DGKI: variants seen among roughly 807,000 people sequenced by gnomAD.
The protein encoded by DGKI is diacylglycerol kinase iota.
In DGKI, 55 loss-of-function variants were observed where a neutral mutation model predicts 147.5. The ratio of observed to expected loss-of-function variants is 0.37; its 90% CI spans 0.30 to 0.47. The LOEUF (loss-of-function observed/expected upper bound fraction) is 0.47, where lower values mean the gene tolerates loss of function less well. Ranked by LOEUF, DGKI falls within the 20% of genes least tolerant of loss-of-function variation. The pLI is 1.00. For missense variants in DGKI, 1,007 were observed against 1,323.8 expected (o/e 0.76, Z 3.71); for synonymous variants, 469 against 477.1 (o/e 0.98, Z 0.22).
In DGKI at chr7:137,469,757, AAAG is replaced by A. The variant is rs1277288928; in HGVS notation, c.2374-141_2374-139del. 8.7e-6 allele frequency: 5 copies of A among 571,690 alleles called. No individual in the cohort carries two copies. The Admixed American group carries it at 1.1e-4, about 12-fold the overall frequency. 35.4% of individuals were successfully genotyped at this position (571,690 alleles called of 1,614,324 possible). On this transcript the variant is annotated intron_variant, in intron 23 of 32. Transcript: ENST00000614521. ...CACATTTTTTTTTCTCTAGGAACACAAAGAAGGGCTCTTTTTTGAAATTCTTTC... is the reference window on the plus strand; with the variant it reads ...CACATTTTTTTTTCTCTAGGAACACAAAGGGCTCTTTTTTGAAATTCTTTC...
chr7:137,616,277 T>C (rs912833511), intron 8 of DGKI, among the ~76,000 whole-genome samples: 1 of 152,158 alleles, frequency 6.6e-6, no homozygotes, highest in Non-Finnish European at 1.5e-5. Flanking sequence ...GCTCATAGGA[T>C]ACTATGATGA....
chr7:137,542,302 C>G (rs576535495), intron 20 of DGKI, among the ~76,000 whole-genome samples: 2 of 152,204 alleles, frequency 1.3e-5, no homozygotes, highest in African/African-American at 2.4e-5. Context: ...TTACATAAAA[C>G]CTGTTCATCA....
In DGKI at chr7:137,626,453, AC is replaced by A. The variant is rs1166288368; in HGVS notation, c.805-2900del. 3.9e-5 allele frequency among the ~76,000 whole-genome samples: 6 copies of A among 152,074 alleles called. No homozygotes were observed. The East Asian group carries it at 1.2e-3, about 29-fold the overall frequency. On this transcript the variant is annotated intron_variant, in intron 6 of 32. Transcript: ENST00000614521. ...CAGTCCCCAACACCTGAGAGTTGCA[AC>A]CGCCTAAACAGAACAGCTTACAAGA...
intron 1 of DGKI, among the ~76,000 whole-genome samples, chr7:137,731,517 CATT>C (rs1350754871): frequency 6.6e-6 from 1 of 152,086 alleles, no homozygotes; most frequent in Admixed American, 6.6e-5. Context: ...TCTTCATCAT[CATT>C]ATGTGCCTTA....
At chr7:137,720,475 G>A (rs1057108581) in intron 1 of DGKI, among the ~76,000 whole-genome samples, 15 of 151,848 alleles carry the variant, frequency 9.9e-5, no homozygotes, top group African/African-American at 3.6e-4. Flanking sequence ...AGCCAGGATG[G>A]TCTCGATCTC....
intron 1 of DGKI, among the ~76,000 whole-genome samples, chr7:137,706,860 C>A (rs1327380478): frequency 6.6e-6 from 1 of 152,190 alleles, no homozygotes; most frequent in Admixed American, 6.5e-5. Flanking sequence ...GCGTGAGCCA[C>A]CACACCCCGC....
At chr7:137,725,195 T>G (rs1297966022) in intron 1 of DGKI, among the ~76,000 whole-genome samples, 1 of 152,190 alleles carries the variant, frequency 6.6e-6, no homozygotes, top group African/African-American at 2.4e-5. Context: ...TACCTACTTC[T>G]TATGCTTCTT....
intron 23 of DGKI, among the ~76,000 whole-genome samples, chr7:137,484,735 T>C (rs1009150854): frequency 6.6e-6 from 1 of 151,978 alleles, no homozygotes; most frequent in Non-Finnish European, 1.5e-5. Context: ...AACTGAGTGT[T>C]CTCCTACAGA....
chr7:137,655,454 T>TC (rs1296155618), intron 4 of DGKI, among the ~76,000 whole-genome samples: 1 of 152,166 alleles, frequency 6.6e-6, no homozygotes, highest in African/African-American at 2.4e-5. Flanking sequence ...CATCTTGGCC[T>TC]CCCAAAGTGC....
intron 20 of DGKI, among the ~76,000 whole-genome samples, chr7:137,537,393 A>G (rs1056595452): frequency 6.6e-6 from 1 of 152,156 alleles, no homozygotes; most frequent in African/African-American, 2.4e-5. Flanking sequence ...AAAATATGAA[A>G]TGTTCTGCTT....
In DGKI at chr7:137,656,605, T is replaced by C. The variant is rs922493786; in HGVS notation, c.607-65A>G. The C allele has an allele frequency of 4.9e-6, 7 of 1,439,980 alleles. No homozygotes were observed. In the African/African-American group the frequency reaches 9.8e-5, roughly 20 times the overall value. The allele number at this position is 1,439,980 out of a possible 1,614,324, so 89.2% of individuals were successfully genotyped here. The stretch of plus-strand genomic sequence containing the variant: ...CAGTCTGTTCTGAAGAGTTCCCTAG[T>C]ATTAAAGTGGGCATATATAATAAAT... On this transcript the variant is annotated intron_variant, in intron 3 of 32. Coordinates refer to ENST00000614521, the MANE Select transcript of DGKI (RefSeq NM_001321708.2).
chr7:137,424,090 T>C (rs778770812), intron 28 of DGKI, among the ~76,000 whole-genome samples: 8 of 152,182 alleles, frequency 5.3e-5, no homozygotes, highest in Non-Finnish European at 5.9e-5. Context: ...AGTTATTACT[T>C]GGAAGAATAT....
chr7:137,487,783 T>C (rs1815620282), intron 21 of DGKI, 94 bp from the exon 22 acceptor site: 2 of 1,135,526 alleles, frequency 1.8e-6, no homozygotes, highest in South Asian at 2.6e-5. Flanking sequence ...AACAATCTCA[T>C]AAATATTATG....
chr7:137,831,038 A>C (rs1798202340), intron 1 of DGKI, among the ~76,000 whole-genome samples: 1 of 152,234 alleles, frequency 6.6e-6, no homozygotes, highest in Admixed American at 6.5e-5. Flanking sequence ...TTCCTAACAC[A>C]TATTAAGTAT....
At chr7:137,792,350 A>G (rs1022884129) in intron 1 of DGKI, among the ~76,000 whole-genome samples, 2 of 152,196 alleles carry the variant, frequency 1.3e-5, no homozygotes, top group African/African-American at 4.8e-5. Flanking sequence ...ATGTGACCCT[A>G]TAATCAACAT....
At chr7:137,635,189 C>T (rs934146476) in intron 6 of DGKI, among the ~76,000 whole-genome samples, 4 of 152,152 alleles carry the variant, frequency 2.6e-5, no homozygotes, top group African/African-American at 9.7e-5. Flanking sequence ...CTTGTAAGTG[C>T]AGTACCCTTG....
chr7:137,556,787 G>C (rs1209663886), intron 19 of DGKI, among the ~76,000 whole-genome samples: 1 of 152,056 alleles, frequency 6.6e-6, no homozygotes, highest in Non-Finnish European at 1.5e-5. Context: ...TAAAATAATA[G>C]AAATACTATT....
intron 23 of DGKI, among the ~76,000 whole-genome samples, chr7:137,470,415 T>C (rs1814836812): frequency 1.3e-5 from 2 of 152,228 alleles, no homozygotes; most frequent in Non-Finnish European, 2.9e-5. Flanking sequence ...ATTTAGACTC[T>C]GGACTATCTT....
At chr7:137,834,737 T>C (rs1052316229) in intron 1 of DGKI, among the ~76,000 whole-genome samples, 1 of 152,368 alleles carries the variant, frequency 6.6e-6, no homozygotes, top group Non-Finnish European at 1.5e-5. Context: ...TTTGTATAGA[T>C]ACACATAAGT....
Sources: allele counts gnomAD v4.1 joint callset (sites outside exome capture counted in the v4.1 genomes callset), GRCh38; gene constraint gnomAD v4.1.1; transcripts MANE v1.5; gene names NCBI Gene and HGNC (gene_info 2026-07-23, HGNC 2026-07-21).